Variants in TENM4 observed in about 807,000 individuals in gnomAD.
TENM4 encodes teneurin transmembrane protein 4.
A neutral mutation model predicts 243.3 loss-of-function variants in TENM4; 82 were observed. That is an observed-to-expected ratio of 0.34 (90% confidence interval 0.28 to 0.40). TENM4 has a LOEUF of 0.40. Among genes scored for constraint, TENM4 ranks in the 10% least tolerant of loss-of-function variants. TENM4 has a pLI of 1.00. For synonymous variants in TENM4, 1,412 were observed against 1,456.3 expected (o/e 0.97, Z 0.69); for missense variants, 3,138 against 3,673.3 (o/e 0.85, Z 3.77).
At chr11:79,109,375 A>G (rs1345107699) in intron 4 of TENM4, among the ~76,000 whole-genome samples, 1 of 152,172 alleles carries the variant, frequency 6.6e-6, no homozygotes, top group Non-Finnish European at 1.5e-5. Flanking sequence ...AGCTTCCTTC[A>G]GCCTGAACAT....
chr11:79,212,712 T>C (rs1863976168), intron 3 of TENM4, among the ~76,000 whole-genome samples: 1 of 152,092 alleles, frequency 6.6e-6, no homozygotes, highest in Admixed American at 6.5e-5. Context: ...TTCCTCCTCC[T>C]ACCCTGGAAA....
chr11:79,102,536 C>T (rs192695953), intron 4 of TENM4, among the ~76,000 whole-genome samples: 48 of 152,362 alleles, frequency 3.2e-4, no homozygotes, highest in African/African-American at 1.2e-3. Context: ...GCTCCCAAAG[C>T]TCCTGGTACC....
chr11:79,032,270 G>A (rs1039740145), intron 6 of TENM4, among the ~76,000 whole-genome samples: 2 of 152,144 alleles, frequency 1.3e-5, no homozygotes, highest in Non-Finnish European at 2.9e-5. Flanking sequence ...CCCTGAGGCG[G>A]GGGGCACCAG....
intron 1 of TENM4, among the ~76,000 whole-genome samples, chr11:79,359,281 A>G (rs1857551418): frequency 6.6e-6 from 1 of 152,310 alleles, no homozygotes; most frequent in Admixed American, 6.5e-5. Flanking sequence ...TGAATCCAGT[A>G]TTAAACATAA....
intron 26 of TENM4, among the ~76,000 whole-genome samples, chr11:78,708,950 C>CCAT (rs1555068550): frequency 0.028 from 3,601 of 128,124 alleles, 166 homozygotes; most frequent in African/African-American, 0.1. Context: ...AACCATTTTT[C>CCAT]TTTTCTTTCT....
intron 2 of TENM4, among the ~76,000 whole-genome samples, chr11:79,294,084 G>A (rs1185312926): frequency 6.6e-6 from 1 of 152,166 alleles, no homozygotes; most frequent in Non-Finnish European, 1.5e-5. Flanking sequence ...AGCAATCCTA[G>A]TCCTGTCTTT....
rs373975961 is a variant in TENM4, at chr11:78,811,780, G to C, written c.1978+342C>G. 2.1e-3 allele frequency among the ~76,000 whole-genome samples: 318 copies of C among 152,312 alleles called. 1 individual carries two copies. The highest frequency in any genetic ancestry group is 0.014 in the South Asian group (69 of 4,826). ...CTACTAGCCATGTGTCCTTGGGCAA[G>C]TTATTCAACCCTCTGAGTCTCAGAT... On this transcript the variant is annotated intron_variant, in intron 14 of 33. Transcript: ENST00000278550.
intron 6 of TENM4, among the ~76,000 whole-genome samples, chr11:78,934,844 A>T (rs1856747720): frequency 6.6e-6 from 1 of 151,648 alleles, no homozygotes; most frequent in African/African-American, 2.4e-5. Flanking sequence ...AAGAAACTAG[A>T]CATACTATAT....
At chr11:79,386,595 A>T (rs1315373964) in intron 1 of TENM4, among the ~76,000 whole-genome samples, 1 of 152,162 alleles carries the variant, frequency 6.6e-6, no homozygotes, top group Non-Finnish European at 1.5e-5. Context: ...AAAGACTTGA[A>T]CAGGCATTTC....
At chr11:78,921,671 G>A (rs1339376475) in intron 6 of TENM4, among the ~76,000 whole-genome samples, 2 of 152,212 alleles carry the variant, frequency 1.3e-5, no homozygotes, top group East Asian at 3.9e-4. Context: ...AAGGCAAGGA[G>A]GGAGGTGTCA....
intron 2 of TENM4, among the ~76,000 whole-genome samples, chr11:79,251,128 A>G (rs991291928): frequency 1.3e-4 from 20 of 152,232 alleles, no homozygotes; most frequent in Admixed American, 3.3e-4. Flanking sequence ...ACACGTCTTA[A>G]TAGCTAGAGG....
At chr11:78,758,304 T>C (rs1006795450) in intron 18 of TENM4, among the ~76,000 whole-genome samples, 1 of 152,176 alleles carries the variant, frequency 6.6e-6, no homozygotes. Context: ...TACAAATAAA[T>C]GAATGGGAAT....
chr11:79,068,943 C>T (rs948565765), intron 5 of TENM4, among the ~76,000 whole-genome samples: 1 of 152,178 alleles, frequency 6.6e-6, no homozygotes, highest in African/African-American at 2.4e-5. Context: ...GAGTCACCCC[C>T]AAGCTTCATC....
chr11:78,810,407 T>G (rs1467785618), intron 14 of TENM4, among the ~76,000 whole-genome samples: 3 of 152,192 alleles, frequency 2.0e-5, no homozygotes, highest in African/African-American at 7.2e-5. Context: ...GACTGCCTTT[T>G]CCTGGCCCAC....
intron 3 of TENM4, among the ~76,000 whole-genome samples, chr11:79,202,489 A>G (rs1863759882): frequency 6.6e-6 from 1 of 152,252 alleles, no homozygotes; most frequent in African/African-American, 2.4e-5. Flanking sequence ...AAAGAAAACC[A>G]ATTTAAATAA....
intron 1 of TENM4, among the ~76,000 whole-genome samples, chr11:79,418,063 A>G (rs1858856399): frequency 6.6e-6 from 1 of 152,220 alleles, no homozygotes; most frequent in Non-Finnish European, 1.5e-5. Context: ...GTCTCCTCGC[A>G]CTAGACTAGT....
chr11:78,793,880 C>T (rs1857109935), intron 15 of TENM4, among the ~76,000 whole-genome samples: 1 of 152,214 alleles, frequency 6.6e-6, no homozygotes, highest in Non-Finnish European at 1.5e-5. Context: ...GACAATACCT[C>T]AGATGCCATA....
intron 2 of TENM4, among the ~76,000 whole-genome samples, chr11:79,252,562 C>T (rs1005871887): frequency 6.6e-6 from 1 of 152,128 alleles, no homozygotes; most frequent in South Asian, 2.1e-4. Flanking sequence ...TCTAGTTTGT[C>T]GGCCAGAAAA....
At position 78,917,756 on chromosome 11, in the gene TENM4, T is replaced by A. The variant is rs551471716; in HGVS notation, c.494-14233A>T. ...TCTTTCCATTTCATCTTCCCAAGAG[T>A]CCTCGGACATAGGTTTAAGAGGAAC... On this transcript the variant is annotated intron_variant, in intron 6 of 33. Transcript: ENST00000278550. Among the ~76,000 whole-genome samples the A allele has an allele frequency of 2.6e-5, 4 of 152,164 alleles. No individual in the cohort carries two copies. The South Asian group carries it at 8.3e-4, about 32-fold the overall frequency.
Sources: gnomAD v4.1 joint callset for allele counts (sites outside exome capture counted in the v4.1 genomes callset) on GRCh38, gnomAD v4.1.1 for gene constraint, MANE v1.5 for transcripts, NCBI Gene and HGNC (gene_info 2026-07-23, HGNC 2026-07-21) for gene names.